Variants in EIF3E observed in about 807,000 individuals in gnomAD.
The protein encoded by EIF3E is eIF-3 p48.
A neutral mutation model predicts 59.3 loss-of-function variants in EIF3E; 25 were observed. The ratio of observed to expected loss-of-function variants is 0.42; its 90% CI spans 0.31 to 0.59. The LOEUF is 0.59. Among genes scored for constraint, EIF3E ranks in the 20% least tolerant of loss-of-function variants. The pLI is 0.15. For synonymous variants in EIF3E, 176 were observed against 170.2 expected, an observed-to-expected ratio of 1.03 and a Z score of -0.26; for missense variants, 317 against 534.3, an observed-to-expected ratio of 0.59 and a Z score of 4.01.
intron 7 of EIF3E, among the ~76,000 whole-genome samples, chr8:108,218,869 C>T (rs759232295): frequency 1.3e-4 from 19 of 150,530 alleles, no homozygotes; most frequent in South Asian, 2.1e-4. Flanking sequence ...CTGAAACCTC[C>T]GCTTCCCAGA....
intron 3 of EIF3E, 26 bp from the exon 4 acceptor site, chr8:108,236,229 AT>A: frequency 6.3e-7 from 1 of 1,593,944 alleles, no homozygotes. Flanking sequence ...CAAAAATTAC[AT>A]TATTTTAAAG....
chr8:108,213,411 T>C (rs1474523436), intron 10 of EIF3E, among the ~76,000 whole-genome samples: 1 of 152,142 alleles, frequency 6.6e-6, no homozygotes, highest in African/African-American at 2.4e-5. Flanking sequence ...AGTTAGTATG[T>C]TAGGTGCTAA....
At position 108,248,674 on chromosome 8, in the gene EIF3E, A is replaced by C; in HGVS notation, c.29T>G (p.Ile10Ser). 1 of 1,614,210 alleles carries C rather than the reference A, an allele frequency of 6.2e-7. No homozygotes were observed. Among genetic ancestry groups the C allele is most frequent in the Non-Finnish European group, 8.5e-7 (1 of 1,180,032 alleles). The stretch of plus-strand genomic sequence containing the variant: ...TAGATGCCGATCCAAAAAGTGCGCG[A>C]TGCGAGTAGTCAAGTCGTACTCCGC... MAEYDLTTRIAHFLDRHLVF... is the reference protein window; with the variant it reads MAEYDLTTRSAHFLDRHLVF... Residue 10 changes from isoleucine to serine, a missense_variant, in exon 1 of 13, where the codon ATC becomes AGC. By Grantham distance (142) the Ile-to-Ser change is moderately radical. Coordinates refer to ENST00000220849, the MANE Select transcript of EIF3E (RefSeq NM_001568.3).
At chr8:108,238,748 G>A (rs1006330461) in intron 3 of EIF3E, among the ~76,000 whole-genome samples, 1 of 152,056 alleles carries the variant, frequency 6.6e-6, no homozygotes, top group Non-Finnish European at 1.5e-5. Flanking sequence ...AATCACAAAG[G>A]AAAACTTAAG....
intron 9 of EIF3E, among the ~76,000 whole-genome samples, chr8:108,216,136 T>G (rs1815298107): frequency 6.6e-6 from 1 of 152,158 alleles, no homozygotes; most frequent in Non-Finnish European, 1.5e-5. Context: ...TTACCCCCAA[T>G]GTTTTAACAA....
At chr8:108,232,544 C>T (rs1312716427) in intron 5 of EIF3E, among the ~76,000 whole-genome samples, 2 of 152,186 alleles carry the variant, frequency 1.3e-5, no homozygotes, top group African/African-American at 4.8e-5. Context: ...CATAAAAATT[C>T]ACCAAACCTA....
At chr8:108,215,088 T>C (rs59181899) in intron 9 of EIF3E, among the ~76,000 whole-genome samples, 5,308 of 152,162 alleles carry the variant, frequency 0.035, 305 homozygotes, top group African/African-American at 0.12. Context: ...ACTTAGAAAT[T>C]AGAAGGAAAA....
At chr8:108,241,507 A>G (rs986636382) in intron 2 of EIF3E, among the ~76,000 whole-genome samples, 2 of 152,204 alleles carry the variant, frequency 1.3e-5, no homozygotes, top group African/African-American at 4.8e-5. Flanking sequence ...CAAGAACTGC[A>G]ACATTCTCAG....
At chr8:108,223,223 T>A (rs1216370729) in intron 7 of EIF3E, among the ~76,000 whole-genome samples, 3 of 152,072 alleles carry the variant, frequency 2.0e-5, no homozygotes, top group Non-Finnish European at 4.4e-5. Flanking sequence ...AGGAAGTAAA[T>A]CTGAGCTGGA....
At chr8:108,228,516 A>G (rs1030900018) in intron 6 of EIF3E, 125 bp from the exon 7 acceptor site, 1 of 658,390 alleles carries the variant, frequency 1.5e-6, no homozygotes, top group Middle Eastern at 4.8e-4. Flanking sequence ...CACGGAGGTC[A>G]TTATGATCAA....
chr8:108,238,143 G>T (rs140247712), intron 3 of EIF3E, among the ~76,000 whole-genome samples: 1 of 152,084 alleles, frequency 6.6e-6, no homozygotes, highest in African/African-American at 2.4e-5. Flanking sequence ...GATTATTTCC[G>T]CTGTCCCTTT....
intron 10 of EIF3E, among the ~76,000 whole-genome samples, chr8:108,211,978 A>G: frequency 6.6e-6 from 1 of 152,258 alleles, no homozygotes; most frequent in East Asian, 1.9e-4. Context: ...TTCTAAAAAT[A>G]TAAATTGTTC....
intron 1 of EIF3E, among the ~76,000 whole-genome samples, chr8:108,248,061 C>A (rs1020701727): frequency 4.0e-5 from 6 of 150,936 alleles, no homozygotes; most frequent in Non-Finnish European, 8.8e-5. Flanking sequence ...CCCCATCTGA[C>A]GAAATATGCT....
At chr8:108,243,662 GA>G (rs1815889249) in intron 1 of EIF3E, among the ~76,000 whole-genome samples, 1 of 143,966 alleles carries the variant, frequency 6.9e-6, no homozygotes, top group African/African-American at 2.6e-5. Context: ...AAAAAAAAAG[GA>G]TGTCTGTAAT....
chr8:108,239,427 C>G (rs575870967), intron 3 of EIF3E, among the ~76,000 whole-genome samples: 3 of 152,282 alleles, frequency 2.0e-5, no homozygotes, highest in Non-Finnish European at 4.4e-5. Flanking sequence ...GTCTCAAACT[C>G]CTAGGCTCAA....
chr8:108,240,196 A>T (rs1815808668), intron 2 of EIF3E, 121 bp from the exon 3 acceptor site: 2 of 797,772 alleles, frequency 2.5e-6, no homozygotes, highest in Non-Finnish European at 4.4e-6. Flanking sequence ...TTTACCCCCA[A>T]TATATTCATA....
At chr8:108,225,106 C>T (rs955448443) in intron 7 of EIF3E, among the ~76,000 whole-genome samples, 15 of 151,576 alleles carry the variant, frequency 9.9e-5, no homozygotes, top group Admixed American at 4.6e-4. Flanking sequence ...ACAAGATGAA[C>T]CAGCTGCTTT....
At chr8:108,219,536 T>C (rs1399751501) in intron 7 of EIF3E, among the ~76,000 whole-genome samples, 1 of 152,200 alleles carries the variant, frequency 6.6e-6, no homozygotes, top group African/African-American at 2.4e-5. Flanking sequence ...CAAATGTTTT[T>C]CTGATAATGT....
intron 5 of EIF3E, chr8:108,234,397 A>T (rs1445906783): frequency 6.6e-6 from 1 of 152,202 alleles, no homozygotes; most frequent in Middle Eastern, 3.2e-3. Flanking sequence ...TAAATCTAGA[A>T]GCCTGTCAAA....
Sources: gnomAD v4.1 joint callset for allele counts (sites outside exome capture counted in the v4.1 genomes callset) on GRCh38, gnomAD v4.1.1 for gene constraint, MANE v1.5 for transcripts, NCBI Gene and HGNC (gene_info 2026-07-23, HGNC 2026-07-21) for gene names.